Variants in SLX4IP observed in about 807,000 individuals in gnomAD.
The protein encoded by SLX4IP is protein SLX4IP.
In SLX4IP, 34 loss-of-function variants were observed where a neutral mutation model predicts 32.9. That is an observed-to-expected ratio of 1.03 (90% confidence interval 0.79 to 1.38). The LOEUF (loss-of-function observed/expected upper bound fraction) is 1.38, where lower values mean the gene tolerates loss of function less well. Ranked by LOEUF, SLX4IP falls within the 40% of genes most tolerant of loss-of-function variation. SLX4IP has a pLI of 0.00. For missense variants in SLX4IP, 444 were observed against 479.0 expected (o/e 0.93, Z 0.68); for synonymous variants, 172 against 171.7 (o/e 1.00, Z -0.01).
intron 2 of SLX4IP, among the ~76,000 whole-genome samples, chr20:10,509,190 G>T (rs1239992585): frequency 6.6e-6 from 1 of 152,180 alleles, no homozygotes; most frequent in Non-Finnish European, 1.5e-5. Flanking sequence ...GCATCAGGTT[G>T]TAATTCAGCA....
intron 2 of SLX4IP, among the ~76,000 whole-genome samples, chr20:10,478,150 C>T (rs999304238): frequency 6.6e-6 from 1 of 152,168 alleles, no homozygotes; most frequent in African/African-American, 2.4e-5. Flanking sequence ...CCACCCGCCT[C>T]AGCCTCCCAA....
intron 2 of SLX4IP, among the ~76,000 whole-genome samples, chr20:10,542,260 G>A (rs766905580): frequency 2.6e-5 from 4 of 152,056 alleles, no homozygotes; most frequent in Non-Finnish European, 5.9e-5. Context: ...CACCCCCTGC[G>A]GCAGATCACT....
chr20:10,549,846 T>C (rs149322891), intron 2 of SLX4IP, among the ~76,000 whole-genome samples: 3 of 152,334 alleles, frequency 2.0e-5, no homozygotes, highest in African/African-American at 7.2e-5. Context: ...GCTCTGTAAA[T>C]GGCAATCAAT....
In SLX4IP at chr20:10,518,587, C is replaced by T. The variant is rs201872488; in HGVS notation, c.28-37644C>T. On this transcript the variant is annotated intron_variant, in intron 2 of 7. Transcript: ENST00000334534. ...CTTTCTTTTCTTTCTTTCTTTTTTT[C>T]TTTTTTTAGACAGGGTCTCACTCTA... is the stretch of plus-strand genomic sequence containing the variant. Among the ~76,000 whole-genome samples, 46 of 129,150 alleles carry T rather than the reference C, an allele frequency of 3.6e-4. 1 individual carries two copies. In the East Asian group the frequency reaches 6.2e-3, roughly 17 times the overall value. 84.7% of individuals were successfully genotyped at this position (129,150 alleles called of 152,430 possible). A position where few individuals can be genotyped will look rare whatever the true frequency, so the allele number is the denominator to read the frequency against.
intron 2 of SLX4IP, among the ~76,000 whole-genome samples, chr20:10,549,367 G>T (rs564384495): frequency 6.6e-6 from 1 of 152,044 alleles, no homozygotes; most frequent in African/African-American, 2.4e-5. Context: ...CCGTATCTGT[G>T]TTGGAATGGA....
At chr20:10,448,246 A>C (rs1462698975) in intron 1 of SLX4IP, among the ~76,000 whole-genome samples, 3 of 151,518 alleles carry the variant, frequency 2.0e-5, no homozygotes. Context: ...TTTCCTTCTT[A>C]CTCTTTTCTC....
intron 2 of SLX4IP, among the ~76,000 whole-genome samples, chr20:10,462,875 C>T (rs961886609): frequency 2.6e-5 from 4 of 152,198 alleles, no homozygotes; most frequent in African/African-American, 9.7e-5. Flanking sequence ...CTAAGGAAAG[C>T]ATAACAAATT....
rs554882898 is a variant in SLX4IP at position 10,585,281 on chromosome 20, A to G, written c.239-13394A>G. 5.9e-5 allele frequency among the ~76,000 whole-genome samples: 9 copies of G among 152,260 alleles called. No homozygotes were observed. The South Asian group carries it at 1.9e-3, about 32-fold the overall frequency. The stretch of plus-strand genomic sequence containing the variant: ...ATTTTGTTCTATTTCTGCTGTCACT[A>G]ATGCTCTCTGGCATTTGATCTTTCA... On this transcript the variant is annotated intron_variant, in intron 4 of 7. Coordinates refer to ENST00000334534, the MANE Select transcript of SLX4IP (RefSeq NM_001009608.3).
chr20:10,450,583 A>C (rs2122329866), intron 1 of SLX4IP, among the ~76,000 whole-genome samples: 1 of 152,338 alleles, frequency 6.6e-6, no homozygotes, highest in Middle Eastern at 3.4e-3. Context: ...AATACTTAAC[A>C]TGACTTAGGG....
intron 4 of SLX4IP, among the ~76,000 whole-genome samples, chr20:10,576,346 G>T (rs146251141): frequency 6.6e-6 from 1 of 152,310 alleles, no homozygotes; most frequent in East Asian, 1.9e-4. Flanking sequence ...TCCCTGGGCT[G>T]TTCCCAGGGA....
At chr20:10,562,650 G>T (rs1455795360) in intron 4 of SLX4IP, among the ~76,000 whole-genome samples, 1 of 152,168 alleles carries the variant, frequency 6.6e-6, no homozygotes, top group Non-Finnish European at 1.5e-5. Flanking sequence ...CAAGGGTGGA[G>T]CCCTCACCAG....
At chr20:10,616,371 CAA>C (rs1773390777) in intron 6 of SLX4IP, among the ~76,000 whole-genome samples, 1 of 80,626 alleles carries the variant, frequency 1.2e-5, no homozygotes, top group Admixed American at 1.3e-4. Flanking sequence ...TTTAAAATGT[CAA>C]GTCCCAAAAA....
chr20:10,480,668 C>T (rs1004112552), intron 2 of SLX4IP, among the ~76,000 whole-genome samples: 2 of 152,004 alleles, frequency 1.3e-5, no homozygotes, highest in African/African-American at 4.8e-5. Flanking sequence ...GTAGATTTTC[C>T]TATAAGATTT....
At chr20:10,590,731 A>G (rs949010632) in intron 4 of SLX4IP, among the ~76,000 whole-genome samples, 5 of 152,182 alleles carry the variant, frequency 3.3e-5, no homozygotes, top group Admixed American at 2.6e-4. Flanking sequence ...CCTGTTTAGT[A>G]AGGTTAAGGA....
At chr20:10,536,264 A>G (rs1433377670) in intron 2 of SLX4IP, among the ~76,000 whole-genome samples, 9 of 152,068 alleles carry the variant, frequency 5.9e-5, no homozygotes, top group Non-Finnish European at 1.3e-4. Context: ...CTGATGGCCT[A>G]TGCCTGTAAT....
At chr20:10,556,112 G>A (rs2122496531) in intron 2 of SLX4IP, 119 bp from the exon 3 acceptor site, 1 of 769,514 alleles carries the variant, frequency 1.3e-6, no homozygotes. Flanking sequence ...GTTCTGTCTA[G>A]TAGTGAACTT....
chr20:10,591,356 T>G (rs929321992), intron 4 of SLX4IP, among the ~76,000 whole-genome samples: 12 of 152,320 alleles, frequency 7.9e-5, no homozygotes, highest in East Asian at 1.9e-4. Flanking sequence ...GTTAGAATAG[T>G]CCAGTGGTTC....
chr20:10,499,921 A>G (rs2065701119), intron 2 of SLX4IP, among the ~76,000 whole-genome samples: 2 of 152,164 alleles, frequency 1.3e-5, no homozygotes, highest in South Asian at 4.1e-4. Context: ...ATTCAAGGAA[A>G]TGGTACATGT....
At chr20:10,584,869 A>G (rs1368447395) in intron 4 of SLX4IP, among the ~76,000 whole-genome samples, 3 of 152,254 alleles carry the variant, frequency 2.0e-5, no homozygotes, top group African/African-American at 4.8e-5. Flanking sequence ...TGCATCAAAA[A>G]TGGGTAAAAG....
Sources: allele counts gnomAD v4.1 joint callset (sites outside exome capture counted in the v4.1 genomes callset), GRCh38; gene constraint gnomAD v4.1.1; transcripts MANE v1.5; gene names NCBI Gene and HGNC (gene_info 2026-07-23, HGNC 2026-07-21).